Variants in CNIH3 observed in about 807,000 individuals in gnomAD.
CNIH3 encodes cornichon family AMPA receptor auxiliary protein 3, also known as protein cornichon homolog 3.
In CNIH3, 14 loss-of-function variants were observed where a neutral mutation model predicts 24.1. That is an observed-to-expected ratio of 0.58 (90% CI 0.38 to 0.91). The LOEUF is 0.91. CNIH3 is among the 40% of genes least tolerant of loss of function. CNIH3 has a pLI of 0.00. For missense variants in CNIH3, 178 were observed against 196.8 expected (o/e 0.90, Z 0.57); for synonymous variants, 68 against 73.8 (o/e 0.92, Z 0.40).
chr1:224,714,191 C>A (rs1052237680), intron 3 of CNIH3, among the ~76,000 whole-genome samples: 1 of 152,214 alleles, frequency 6.6e-6, no homozygotes, highest in African/African-American at 2.4e-5. Flanking sequence ...ACAAGGCCTG[C>A]GCTCCCTGAA....
At chr1:224,437,705 A>G (rs768569735) in intron 1 of CNIH3, among the ~76,000 whole-genome samples, 4 of 152,216 alleles carry the variant, frequency 2.6e-5, no homozygotes, top group Non-Finnish European at 5.9e-5. Flanking sequence ...ATCACTCAAA[A>G]GAGGGGTGAT....
At chr1:224,445,899 A>G (rs563267835) in intron 1 of CNIH3, among the ~76,000 whole-genome samples, 22 of 152,322 alleles carry the variant, frequency 1.4e-4, no homozygotes, top group Admixed American at 2.6e-4. Flanking sequence ...GTTTATGTCT[A>G]CAACCATTCT....
chr1:224,517,750 A>G (rs1483051841), intron 1 of CNIH3, among the ~76,000 whole-genome samples: 1 of 152,126 alleles, frequency 6.6e-6, no homozygotes, highest in Non-Finnish European at 1.5e-5. Context: ...TTCCTGAGAT[A>G]CTTCACTTAG....
intron 1 of CNIH3, among the ~76,000 whole-genome samples, chr1:224,475,765 C>T (rs891677082): frequency 6.6e-6 from 1 of 152,066 alleles, no homozygotes; most frequent in African/African-American, 2.4e-5. Flanking sequence ...CCAGTATTAC[C>T]AGTAAACTAG....
chr1:224,697,374 T>C (rs1687234342), intron 3 of CNIH3, among the ~76,000 whole-genome samples: 1 of 152,186 alleles, frequency 6.6e-6, no homozygotes, highest in East Asian at 1.9e-4. Flanking sequence ...GATTCTAATG[T>C]GTAGCCAAGC....
At chr1:224,488,913 A>G (rs1453845477) in intron 1 of CNIH3, among the ~76,000 whole-genome samples, 1 of 152,044 alleles carries the variant, frequency 6.6e-6, no homozygotes, top group Non-Finnish European at 1.5e-5. Flanking sequence ...TTTTCCTTTA[A>G]GTCCTTGAGC....
In CNIH3 at chr1:224,703,267, G is replaced by A. The variant is rs897662598; in HGVS notation, c.198+18424G>A. Among the ~76,000 whole-genome samples the A allele has an allele frequency of 2.0e-5, 3 of 152,196 alleles. No homozygotes were observed. The highest frequency in any genetic ancestry group is 4.4e-5 in the Non-Finnish European group (3 of 68,028). On this transcript the variant is annotated intron_variant, in intron 3 of 5. Coordinates refer to ENST00000272133, the MANE Select transcript of CNIH3 (RefSeq NM_152495.2). The surrounding 1 kb of genome is among the most constrained non-coding windows in gnomAD (Gnocchi z 4.2). ...TGAGGGCAGAGGGCTGGCCAAGGTA[G>A]ACGTGACCACCGGACCAGCTGAGCC... is the stretch of plus-strand genomic sequence containing the variant.
chr1:224,636,919 G>T (rs1265580936), intron 1 of CNIH3, among the ~76,000 whole-genome samples: 1 of 148,994 alleles, frequency 6.7e-6, no homozygotes, highest in Non-Finnish European at 1.5e-5. Flanking sequence ...TCTATTATCT[G>T]TCTATCATCT....
intron 1 of CNIH3, among the ~76,000 whole-genome samples, chr1:224,452,202 T>C (rs1042933574): frequency 6.6e-6 from 1 of 151,450 alleles, no homozygotes; most frequent in African/African-American, 2.4e-5. Flanking sequence ...TAGGCTGGTG[T>C]GCGGTGGCGC....
chr1:224,685,236 T>G (rs554894569), intron 3 of CNIH3, among the ~76,000 whole-genome samples: 1 of 152,290 alleles, frequency 6.6e-6, no homozygotes, highest in East Asian at 1.9e-4. Flanking sequence ...AGATGCTGGG[T>G]TTCCTTTGAG....
intron 4 of CNIH3, among the ~76,000 whole-genome samples, chr1:224,569,517 G>T (rs1015006090): frequency 3.3e-5 from 5 of 152,142 alleles, no homozygotes; most frequent in Admixed American, 6.5e-5. Context: ...TTGTGCACAC[G>T]TACAGGAGCT....
rs765027446 is a variant in CNIH3 at position 224,680,990 on chromosome 1, T to C, written c.114T>C (p.Phe38=). 1.2e-6 allele frequency: 2 copies of C among 1,614,156 alleles called. No individual in the cohort carries two copies. The highest frequency in any genetic ancestry group is 2.2e-5 in the South Asian group (2 of 91,080). The change falls in exon 2 of 6, where the codon TTT becomes TTC. Residue 38 remains phenylalanine, a synonymous_variant. Transcript: ENST00000272133. ...IIAFDELRTD[F]KSPIDQCNPV... is the part of the protein sequence containing the mutation. Reference sequence around the variant, plus strand: ...CCTTTGATGAGTTAAGGACAGATTTTAAGAGCCCCATAGACCAGTGCAATC... The same window carrying C: ...CCTTTGATGAGTTAAGGACAGATTTCAAGAGCCCCATAGACCAGTGCAATC...
At chr1:224,594,437 G>A (rs779376153) in intron 3 of CNIH3, among the ~76,000 whole-genome samples, 17 of 152,182 alleles carry the variant, frequency 1.1e-4, no homozygotes, top group South Asian at 2.1e-4. Flanking sequence ...ACTGTTCTAT[G>A]TTATTTTATG....
At chr1:224,570,325 C>T (rs1250037352) in intron 4 of CNIH3, among the ~76,000 whole-genome samples, 1 of 150,062 alleles carries the variant, frequency 6.7e-6, no homozygotes, top group Non-Finnish European at 1.5e-5. Context: ...CCTCCCCCTC[C>T]CACCTCTAGC....
chr1:224,608,032 G>A (rs1682507301), intron 3 of CNIH3, among the ~76,000 whole-genome samples: 1 of 152,210 alleles, frequency 6.6e-6, no homozygotes, highest in Non-Finnish European at 1.5e-5. Context: ...ACCAAAGTAT[G>A]GGTCTGCAGC....
chr1:224,548,109 G>A lies in CNIH3; in HGVS notation n.450+1170G>A, dbSNP rs148549876. Reference sequence around the variant, plus strand: ...TACACCCCGTGATGTTATTTATAACGTATAAGGGAGATATTATTCCTAATA... The same window carrying A: ...TACACCCCGTGATGTTATTTATAACATATAAGGGAGATATTATTCCTAATA... On this transcript the variant is annotated intron_variant and non_coding_transcript_variant, in intron 3 of 5. Coordinates refer to the CNIH3 transcript ENST00000471578. 3.6e-3 allele frequency among the ~76,000 whole-genome samples: 545 copies of A among 151,460 alleles called. 3 individuals are homozygous for A. The highest frequency in any genetic ancestry group is 0.013 in the African/African-American group (516 of 41,274).
intron 1 of CNIH3, among the ~76,000 whole-genome samples, chr1:224,672,545 C>T (rs1200058156): frequency 4.6e-5 from 7 of 152,188 alleles, no homozygotes; most frequent in Admixed American, 6.5e-5. Flanking sequence ...CACCTCTTCC[C>T]AGCTAATGGT....
intron 4 of CNIH3, among the ~76,000 whole-genome samples, chr1:224,579,067 C>CTTT (rs60330387): frequency 7.2e-6 from 1 of 138,938 alleles, no homozygotes; most frequent in Non-Finnish European, 1.6e-5. Flanking sequence ...TTTCTTTTTT[C>CTTT]TTTTTTTTTT....
At chr1:224,702,563 G>A (rs1273966876) in intron 3 of CNIH3, among the ~76,000 whole-genome samples, 6 of 152,276 alleles carry the variant, frequency 3.9e-5, no homozygotes, top group Non-Finnish European at 7.4e-5. Flanking sequence ...AGCCCCAGGC[G>A]CAGCCCAAGG....
Sources: gnomAD v4.1 joint callset for allele counts (sites outside exome capture counted in the v4.1 genomes callset) on GRCh38, gnomAD v4.1.1 for gene constraint, Gnocchi (gnomAD v3.1) non-coding constraint, MANE v1.5 for transcripts, NCBI Gene and HGNC (gene_info 2026-07-23, HGNC 2026-07-21) for gene names.